Variants in PPM1B observed in about 807,000 individuals in gnomAD.
PPM1B encodes the protein protein phosphatase, Mg2+/Mn2+ dependent 1B, also known as protein phosphatase 1B.
A neutral mutation model predicts 43.0 loss-of-function variants in PPM1B; 22 were observed. The ratio of observed to expected loss-of-function variants is 0.51; its 90% CI spans 0.37 to 0.73. PPM1B has a LOEUF of 0.73. PPM1B is among the 30% of genes least tolerant of loss of function. The probability of loss-of-function intolerance (pLI) is 0.00; values close to 1 mark genes in which losing one functional copy is unlikely to be tolerated. For missense variants in PPM1B, 632 were observed against 584.2 expected, an observed-to-expected ratio of 1.08 and a Z score of -0.84; for synonymous variants, 217 against 197.9, an observed-to-expected ratio of 1.10 and a Z score of -0.81.
chr2:44,199,490 A>AG (rs1315578010), intron 1 of PPM1B, among the ~76,000 whole-genome samples: 1 of 152,170 alleles, frequency 6.6e-6, no homozygotes, highest in African/African-American at 2.4e-5. Flanking sequence ...CAAAAAAGAA[A>AG]GAAAAGTGAT....
downstream of PPM1B, among the ~76,000 whole-genome samples, chr2:44,235,603 CAAAA>C (rs60734033): frequency 1.8e-4 from 13 of 73,480 alleles, no homozygotes; most frequent in Admixed American, 3.4e-4. Context: ...AATTCCATCT[CAAAA>C]AAAAAAAAAA....
intron 1 of PPM1B, among the ~76,000 whole-genome samples, chr2:44,189,996 A>G (rs1179178356): frequency 6.6e-6 from 1 of 151,502 alleles, no homozygotes; most frequent in Non-Finnish European, 1.5e-5. Context: ...AAACACTTTT[A>G]TCATGTGGAT....
intron 5 of PPM1B, among the ~76,000 whole-genome samples, chr2:44,223,531 C>T (rs535157005): frequency 1.1e-4 from 17 of 151,990 alleles, no homozygotes; most frequent in South Asian, 2.1e-4. Flanking sequence ...AAATGCAGGC[C>T]GGGCGCGGTG....
At chr2:44,185,940 TTAAA>T (rs1224001256) in intron 1 of PPM1B, among the ~76,000 whole-genome samples, 22 of 152,298 alleles carry the variant, frequency 1.4e-4, no homozygotes, top group African/African-American at 4.6e-4. Flanking sequence ...AGGGGAGGAC[TTAAA>T]TAATTTAATT....
chr2:44,202,175 C>A, intron 2 of PPM1B, 130 bp downstream of exon 2: 2 of 905,660 alleles, frequency 2.2e-6, no homozygotes, highest in Non-Finnish European at 3.1e-6. Flanking sequence ...AAGTACTTTA[C>A]CAGAAATGAA....
At chr2:44,246,381 C>A (rs1670853900), downstream of PPM1B, among the ~76,000 whole-genome samples, 1 of 152,122 alleles carries the variant, frequency 6.6e-6, no homozygotes, top group South Asian at 2.1e-4. Context: ...AATTTATTAA[C>A]CTTTTGAGTT....
At chr2:44,210,170 C>A (rs61468943) in intron 3 of PPM1B, among the ~76,000 whole-genome samples, 2 of 150,676 alleles carry the variant, frequency 1.3e-5, no homozygotes, top group Admixed American at 6.6e-5. Flanking sequence ...ATTAGTGTTT[C>A]AAAAGATTAT....
chr2:44,202,153 C>T (rs1668969653), intron 2 of PPM1B, 108 bp downstream of exon 2: 3 of 1,132,918 alleles, frequency 2.6e-6, no homozygotes, highest in Non-Finnish European at 3.6e-6. Flanking sequence ...TTCACAGAAG[C>T]TGTATATTTT....
intron 5 of PPM1B, among the ~76,000 whole-genome samples, chr2:44,224,117 C>A (rs141814584): frequency 2.1e-3 from 313 of 152,094 alleles, no homozygotes; most frequent in African/African-American, 7.3e-3. Context: ...AACATTTTTA[C>A]TAGTGTTTAC....
downstream of PPM1B, chr2:44,233,824 T>A (rs1311326250): frequency 1.0e-6 from 1 of 985,630 alleles, no homozygotes; most frequent in Admixed American, 6.1e-5. Context: ...TCTTTAGATT[T>A]TAGCCTTGTA....
At chr2:44,176,519 T>G (rs536234801) in intron 1 of PPM1B, among the ~76,000 whole-genome samples, 14 of 152,346 alleles carry the variant, frequency 9.2e-5, no homozygotes, top group African/African-American at 3.4e-4. Flanking sequence ...GTTGTATTAC[T>G]TAACGTCGTG....
chr2:44,196,040 G>C (rs1668646030), intron 1 of PPM1B, among the ~76,000 whole-genome samples: 1 of 152,124 alleles, frequency 6.6e-6, no homozygotes, highest in African/African-American at 2.4e-5. Context: ...AGTAATATGA[G>C]AAAACCCAAG....
intron 3 of PPM1B, among the ~76,000 whole-genome samples, chr2:44,215,981 C>T (rs927597884): frequency 6.6e-6 from 1 of 152,028 alleles, no homozygotes; most frequent in South Asian, 2.1e-4. Flanking sequence ...GTGAGTGCAG[C>T]TGGGTTAGAA....
Position 44,230,412 on chromosome 2 carries a change from G to C in PPM1B, c.1135-1G>C. 1 of 1,612,346 alleles carries C rather than the reference G, an allele frequency of 6.2e-7. No individual in the cohort carries two copies. The highest frequency in any genetic ancestry group is 8.5e-7 in the Non-Finnish European group (1 of 1,179,096). Reference sequence around the variant, plus strand: ...ACTGGGGTCTTGAATCTTAAAAAAAGGCCTCCGATGAAGCAGAGGAAAGTG... The same window carrying C: ...ACTGGGGTCTTGAATCTTAAAAAAACGCCTCCGATGAAGCAGAGGAAAGTG... On this transcript the variant is annotated splice_acceptor_variant, in intron 5 of 5. Transcript: ENST00000282412. LOFTEE classifies it high-confidence loss of function.
intron 2 of PPM1B, among the ~76,000 whole-genome samples, chr2:44,208,091 T>C (rs1440614595): frequency 6.6e-6 from 1 of 151,610 alleles, no homozygotes; most frequent in Non-Finnish European, 1.5e-5. Flanking sequence ...GGTTTCACCA[T>C]GTTAGTCAGG....
chr2:44,185,705 C>A (rs993676113), intron 1 of PPM1B, among the ~76,000 whole-genome samples: 1 of 151,920 alleles, frequency 6.6e-6, no homozygotes, highest in African/African-American at 2.4e-5. Context: ...GCTATAGTTT[C>A]CAGCTTTTGG....
At chr2:44,205,227 TA>T (rs1441846392) in intron 2 of PPM1B, among the ~76,000 whole-genome samples, 2 of 152,188 alleles carry the variant, frequency 1.3e-5, no homozygotes, top group Non-Finnish European at 2.9e-5. Flanking sequence ...AAGATATCCA[TA>T]AGTCATATAC....
intron 1 of PPM1B, among the ~76,000 whole-genome samples, chr2:44,182,415 A>G (rs1354736749): frequency 6.6e-6 from 1 of 151,854 alleles, no homozygotes; most frequent in African/African-American, 2.4e-5. Flanking sequence ...ATGCACCACC[A>G]TGCCTGGCTA....
intron 5 of PPM1B, among the ~76,000 whole-genome samples, chr2:44,225,976 C>CT (rs36013751): frequency 0.011 from 1,442 of 132,684 alleles, 5 homozygotes; most frequent in African/African-American, 0.019. Context: ...TTTAGTATGT[C>CT]TTTTTTTTTT....
Sources: gnomAD v4.1 joint callset for allele counts (sites outside exome capture counted in the v4.1 genomes callset) on GRCh38, gnomAD v4.1.1 for gene constraint, MANE v1.5 for transcripts, NCBI Gene and HGNC (gene_info 2026-07-23, HGNC 2026-07-21) for gene names.